Variants in NTRK1 observed in about 807,000 individuals in gnomAD.
NTRK1 encodes neurotrophic receptor tyrosine kinase 1.
NTRK1 carries 62 observed loss-of-function variants against 86.8 expected under a neutral mutation model. That is an observed-to-expected ratio of 0.71 (90% confidence interval 0.58 to 0.88). The LOEUF (loss-of-function observed/expected upper bound fraction) is 0.88. NTRK1 is among the 40% of genes least tolerant of loss of function. NTRK1 has a pLI of 0.00. For synonymous variants in NTRK1, 469 were observed against 456.6 expected, an observed-to-expected ratio of 1.03 and a Z score of -0.35; for missense variants, 967 against 1,078.4, an observed-to-expected ratio of 0.90 and a Z score of 1.45.
intron 1 of NTRK1, among the ~76,000 whole-genome samples, chr1:156,825,746 G>A (rs1654300638): frequency 2.6e-5 from 4 of 152,226 alleles, no homozygotes. Flanking sequence ...ACATTAATCT[G>A]AACCTGGGGC....
chr1:156,849,166 C>G, intron 2 of NTRK1: 1 of 1,601,436 alleles, frequency 6.2e-7, no homozygotes, highest in Admixed American at 1.7e-5. Context: ...AGAGTGTCCC[C>G]CTCGAGCTTT....
At chr1:156,837,371 A>G (rs907921836) in intron 1 of NTRK1, 6 of 152,644 alleles carry the variant, frequency 3.9e-5, no homozygotes, top group African/African-American at 7.2e-5. Flanking sequence ...CACACATTCA[A>G]GAGGATGCTA....
At chr1:156,853,714 C>T in intron 2 of NTRK1, 1 of 1,561,498 alleles carries the variant, frequency 6.4e-7, no homozygotes, top group South Asian at 1.2e-5. Flanking sequence ...ACCCTGCTCT[C>T]TCCCTTCCCT....
At chr1:156,823,950 C>A (rs1654255317) in intron 1 of NTRK1, among the ~76,000 whole-genome samples, 1 of 152,160 alleles carries the variant, frequency 6.6e-6, no homozygotes, top group Non-Finnish European at 1.5e-5. Context: ...AGATCTGCAC[C>A]CTGTGTGCAC....
intron 2 of NTRK1, chr1:156,851,413 T>C: frequency 6.2e-7 from 1 of 1,614,182 alleles, no homozygotes. Flanking sequence ...CAGGCTGTGC[T>C]GCAGCTGTGG....
intron 1 of NTRK1, chr1:156,841,402 G>T (rs777665636): frequency 6.2e-7 from 1 of 1,613,742 alleles, no homozygotes; most frequent in East Asian, 2.2e-5. Context: ...ACAGCTGAAG[G>T]GGACAGCCCT....
intron 16 of NTRK1, among the ~76,000 whole-genome samples, chr1:156,880,782 C>G (rs1339418076): frequency 6.6e-6 from 1 of 152,184 alleles, no homozygotes; most frequent in East Asian, 1.9e-4. Context: ...ATTAGTGCCG[C>G]CCATAACCCA....
Position 156,871,630 on chromosome 1 carries a change from G to A in NTRK1, c.725G>A (p.Gly242Glu). 1.9e-6 allele frequency: 3 copies of A among 1,614,088 alleles called. No homozygotes were observed. The Middle Eastern group carries it at 4.9e-4, about 266-fold the overall frequency. The change falls in exon 7 of 17, where the codon GGG (glycine) becomes GAG (glutamate). Residue 242 changes from glycine (G) to glutamate (E), a missense_variant. By Grantham distance (98) the Gly-to-Glu change is moderately conservative. Transcript: ENST00000524377. ...CTCTCTTTCCTGATCTAGAAATCTG[G>A]GGGTCTGCCATCCCTGGGGCTGACC... ...LEQSATVMKSGGLPSLGLTLA... is the reference protein window; with the variant it reads ...LEQSATVMKSEGLPSLGLTLA...
chr1:156,876,329 G>A (rs747581670), intron 13 of NTRK1, 71 bp from the exon 14 acceptor site: 58 of 1,608,388 alleles, frequency 3.6e-5, no homozygotes, highest in Non-Finnish European at 4.4e-5. Flanking sequence ...CGGGGTGGGC[G>A]GGCTGCCCTG....
At chr1:156,842,292 T>C in intron 2 of NTRK1, 1 of 1,613,842 alleles carries the variant, frequency 6.2e-7, no homozygotes, top group Non-Finnish European at 8.5e-7. Flanking sequence ...GATTGGGGGC[T>C]GGTGAGGAAG....
rs2102915045 is a variant in NTRK1, at chr1:156,875,514, C to T, written c.1355-6C>T. The stretch of plus-strand genomic sequence containing the variant: ...ACCCCTCCATGCGGCTGTGTCTCCT[C>T]TCTAGGCCCGGCTGTGCTGGCTCCA... On this transcript the variant is annotated splice_region_variant and splice_polypyrimidine_tract_variant and intron_variant, in intron 11 of 16. Coordinates refer to ENST00000524377, the MANE Select transcript of NTRK1 (RefSeq NM_002529.4). The T allele has an allele frequency of 6.2e-7, 1 of 1,613,840 alleles. No homozygotes were observed. Among genetic ancestry groups the T allele is most frequent in the South Asian group, 1.1e-5 (1 of 91,086 alleles).
chr1:156,880,961 G>A (rs145405949), intron 16 of NTRK1, among the ~76,000 whole-genome samples: 39 of 152,318 alleles, frequency 2.6e-4, no homozygotes, highest in African/African-American at 8.7e-4. Context: ...GAGCTAGTCA[G>A]TCCCACAGAG....
intron 2 of NTRK1, chr1:156,846,214 G>T: frequency 7.7e-7 from 1 of 1,305,922 alleles, no homozygotes; most frequent in Non-Finnish European, 1.0e-6. Context: ...CAACAGCCTT[G>T]TTCTCCCAAA....
chr1:156,839,540 C>T (rs373106743), intron 1 of NTRK1, among the ~76,000 whole-genome samples: 21 of 152,328 alleles, frequency 1.4e-4, no homozygotes, highest in Middle Eastern at 6.8e-3. Flanking sequence ...TCTACACGTG[C>T]GATGAACACT....
chr1:156,843,397 C>A (rs1040568725), intron 2 of NTRK1: 30 of 1,611,786 alleles, frequency 1.9e-5, no homozygotes, highest in Non-Finnish European at 2.4e-5. Flanking sequence ...CCCTTTCCCA[C>A]ACCACCTGTC....
At chr1:156,852,928 A>G (rs747199410) in intron 2 of NTRK1, among the ~76,000 whole-genome samples, 48 of 152,068 alleles carry the variant, frequency 3.2e-4, no homozygotes, top group Non-Finnish European at 6.5e-4. Context: ...TGGGGGTGAG[A>G]GGAGCTGACC....
Position 156,875,028 on chromosome 1 carries a change from G to A in NTRK1, c.1354+20G>A, listed in dbSNP as rs372008076. The A allele has an allele frequency of 1.3e-6, 2 of 1,551,412 alleles. No homozygotes were observed. The highest frequency in any genetic ancestry group is 1.8e-6 in the Non-Finnish European group (2 of 1,123,016). ...TCAACCGTGAGTCGGGGCTGCAGAG[G>A]GCTGTCTGTCTGTCTGTTCTCCTGG... On this transcript the variant is annotated intron_variant, in intron 11 of 16. Transcript: ENST00000524377.
chr1:156,828,802 C>A (rs1031783683), intron 1 of NTRK1, among the ~76,000 whole-genome samples: 1 of 152,190 alleles, frequency 6.6e-6, no homozygotes, highest in East Asian at 1.9e-4. Flanking sequence ...TTTCCCCATA[C>A]GTAAAATGGG....
intron 1 of NTRK1, among the ~76,000 whole-genome samples, chr1:156,864,028 CTG>C (rs1655807950): frequency 6.6e-6 from 1 of 152,038 alleles, no homozygotes; most frequent in African/African-American, 2.4e-5. Flanking sequence ...GCTTATGCCT[CTG>C]TGTGTGCGCA....
Sources: gnomAD v4.1 joint callset for allele counts (sites outside exome capture counted in the v4.1 genomes callset) on GRCh38, gnomAD v4.1.1 for gene constraint, MANE v1.5 for transcripts, NCBI Gene and HGNC (gene_info 2026-07-23, HGNC 2026-07-21) for gene names.